Variants in EDARADD observed in about 807,000 individuals in gnomAD.
EDARADD encodes EDAR associated via death domain.
In EDARADD, 20 loss-of-function variants were observed where a neutral mutation model predicts 25.6. That is an observed-to-expected ratio of 0.78 (90% CI 0.55 to 1.14). The LOEUF is 1.14. Among genes scored for constraint, EDARADD ranks in the 50% most tolerant of loss-of-function variants. The pLI, the probability that EDARADD is intolerant of heterozygous loss-of-function variation, is 0.00. For synonymous variants in EDARADD, 86 were observed against 94.4 expected (o/e 0.91, Z 0.52); for missense variants, 225 against 270.1 (o/e 0.83, Z 1.17).
chr1:236,476,193 C>CAAATAAATAAATAAATAAAT (rs148065571), intron 5 of EDARADD, among the ~76,000 whole-genome samples: 1 of 146,044 alleles, frequency 6.8e-6, no homozygotes, highest in Non-Finnish European at 1.5e-5. Flanking sequence ...GACTCCATCT[C>CAAATAAATAAATAAATAAAT]AAATAAATAA....
At chr1:236,442,824 A>T (rs651727) in intron 4 of EDARADD, among the ~76,000 whole-genome samples, 112,161 of 152,104 alleles carry the variant, frequency 0.74, 43,478 homozygotes, top group Non-Finnish European at 0.88. Flanking sequence ...TGTTGTTTTC[A>T]TGCCTGCTAA....
At chr1:236,480,133 A>ATATATCTATCTATC (rs1553271650) in intron 5 of EDARADD, among the ~76,000 whole-genome samples, 23 of 142,110 alleles carry the variant, frequency 1.6e-4, no homozygotes, top group African/African-American at 4.8e-4. Context: ...ATATATATAT[A>ATATATCTATCTATC]TATCACATTT....
intron 3 of EDARADD, among the ~76,000 whole-genome samples, chr1:236,361,956 GTA>G (rs1667056619): frequency 6.6e-6 from 1 of 151,966 alleles, no homozygotes; most frequent in South Asian, 2.1e-4. Context: ...TATGGTAGAC[GTA>G]TGTTTAACAT....
At chr1:236,457,300 G>A (rs2103030148) in intron 4 of EDARADD, among the ~76,000 whole-genome samples, 1 of 152,254 alleles carries the variant, frequency 6.6e-6, no homozygotes, top group Non-Finnish European at 1.5e-5. Context: ...CAGATCACTT[G>A]AGCCCAGGAG....
rs1227603633 is a variant in EDARADD at position 236,405,725 on chromosome 1, TTTTCTTTCTTTCTTTCTTTC to T, written c.62-3443_62-3424del. On this transcript the variant is annotated intron_variant, in intron 1 of 5. Coordinates refer to ENST00000334232, the MANE Select transcript of EDARADD (RefSeq NM_145861.4). The stretch of plus-strand genomic sequence containing the variant: ...CTGCATTTTCCTCTCCTTCCTTTCT[TTTTCTTTCTTTCTTTCTTTC>T]TTTCTTTCTTTCTTTCTTTCTTTCT... Among the ~76,000 whole-genome samples the T allele has an allele frequency of 1.7e-3, 203 of 120,530 alleles. 1 individual carries two copies. Among genetic ancestry groups the T allele is most frequent in the Middle Eastern group, 4.6e-3 (1 of 218 alleles). 79.1% of individuals were successfully genotyped at this position (120,530 alleles called of 152,430 possible). A position where few individuals can be genotyped will look rare whatever the true frequency, so the allele number is the denominator to read the frequency against.
chr1:236,454,138 C>G (rs565248651), intron 4 of EDARADD, among the ~76,000 whole-genome samples: 2 of 152,222 alleles, frequency 1.3e-5, no homozygotes, highest in South Asian at 4.2e-4. Context: ...CTCCATCTCC[C>G]GGGTTCAAGC....
intron 4 of EDARADD, among the ~76,000 whole-genome samples, chr1:236,445,245 T>TTTTTTTTTTTTTTTTTTA (rs1658502774): frequency 2.9e-5 from 4 of 139,622 alleles, no homozygotes; most frequent in African/African-American, 1.0e-4. Flanking sequence ...TTTTTTTTTT[T>TTTTTTTTTTTTTTTTTTA]GAGACAGAGT....
At position 236,385,089 on chromosome 1, in the gene EDARADD, C is replaced by CTTT. The variant is rs34509027; in HGVS notation, c.-5-24112_-5-24110dup. Among the ~76,000 whole-genome samples the CTTT allele has an allele frequency of 8.5e-3, 1,034 of 121,936 alleles. 26 individuals are homozygous for CTTT. Among genetic ancestry groups the CTTT allele is most frequent in the Middle Eastern group, 0.014 (3 of 222 alleles). The allele number at this position is 121,936 out of a possible 152,430, so 80.0% of individuals were successfully genotyped here. A position where few individuals can be genotyped will look rare whatever the true frequency, so the allele number is the denominator to read the frequency against. On this transcript the variant is annotated intron_variant, in intron 3 of 7. Transcript: ENST00000439430. ...GATTTTTATTCTATGCCTTTTGATT[C>CTTT]TTTTTTTTTTTTTTTTTGCCTTAAG...
chr1:236,480,096 C>CATATAT (rs72215388), intron 5 of EDARADD, among the ~76,000 whole-genome samples: 3,785 of 76,666 alleles, frequency 0.049, 257 homozygotes, highest in African/African-American at 0.072. Context: ...TTAAGTATGC[C>CATATAT]ATATATATAT....
rs952211766 is a variant in EDARADD at position 236,398,696 on chromosome 1, A to G, written c.61+4191A>G. ...ACCCCTGCATTCCAGCCCTCACCCC[A>G]TCCTCCACCCACCCGTTTCCTTCTA... On this transcript the variant is annotated intron_variant, in intron 1 of 5. Transcript: ENST00000334232. The surrounding 1 kb of genome is among the most constrained non-coding windows in gnomAD (Gnocchi z 4.1). Among the ~76,000 whole-genome samples, 8 of 151,602 alleles carry G rather than the reference A, an allele frequency of 5.3e-5. No individual in the cohort carries two copies. The highest frequency in any genetic ancestry group is 7.4e-5 in the Non-Finnish European group (5 of 67,904).
chr1:236,448,023 C>T (rs1359434113), intron 4 of EDARADD, among the ~76,000 whole-genome samples: 8 of 152,100 alleles, frequency 5.3e-5, no homozygotes, highest in Admixed American at 5.2e-4. Context: ...TTAGTAGAGA[C>T]GGGGTTTCTC....
At chr1:236,377,854 TAAA>T (rs142570871) in intron 3 of EDARADD, among the ~76,000 whole-genome samples, 1 of 146,776 alleles carries the variant, frequency 6.8e-6, no homozygotes, top group African/African-American at 2.5e-5. Flanking sequence ...GAGACTCCAT[TAAA>T]AAAAAAACAA....
intron 3 of EDARADD, among the ~76,000 whole-genome samples, chr1:236,422,183 C>T (rs529783833): frequency 6.6e-6 from 1 of 152,284 alleles, no homozygotes; most frequent in South Asian, 2.1e-4. Flanking sequence ...CTCAATCGAA[C>T]CTGCTGCCTG....
intron 3 of EDARADD, among the ~76,000 whole-genome samples, chr1:236,371,086 G>A (rs767831371): frequency 1.1e-4 from 17 of 152,144 alleles, no homozygotes; most frequent in Non-Finnish European, 1.6e-4. Context: ...AGCTTCCTTG[G>A]ACTTTAGGGG....
rs146923434 is a variant in EDARADD at position 236,389,223 on chromosome 1, C to T, written c.-5-19993C>T. On this transcript the variant is annotated intron_variant, in intron 3 of 7. Transcript: ENST00000439430. ...CCTGCAAGGTTGTGAGTGAGGATCCCGAGGCTACAGGAGGATATGTAGAAT... is the reference window on the plus strand; with the variant it reads ...CCTGCAAGGTTGTGAGTGAGGATCCTGAGGCTACAGGAGGATATGTAGAAT... Among the ~76,000 whole-genome samples, 28 of 152,228 alleles carry T rather than the reference C, an allele frequency of 1.8e-4. 1 individual carries two copies. Among genetic ancestry groups the T allele is most frequent in the African/African-American group, 6.3e-4 (26 of 41,536 alleles).
chr1:236,363,198 A>G (rs1667075923), intron 3 of EDARADD, among the ~76,000 whole-genome samples: 1 of 148,734 alleles, frequency 6.7e-6, no homozygotes, highest in Non-Finnish European at 1.5e-5. Flanking sequence ...TGACATCTCT[A>G]CTCTCTTTCA....
intron 3 of EDARADD, among the ~76,000 whole-genome samples, chr1:236,422,990 G>A (rs867119513): frequency 1.3e-5 from 2 of 152,180 alleles, no homozygotes; most frequent in African/African-American, 4.8e-5. Context: ...CTAATAATGT[G>A]TAGAACAGGG....
chr1:236,348,291 C>T (rs1487719541), intron 1 of EDARADD: 4 of 152,394 alleles, frequency 2.6e-5, no homozygotes, highest in East Asian at 1.9e-4. Flanking sequence ...TAAGGTAGGG[C>T]CCTACAGACT....
At chr1:236,477,785 T>G (rs571730907) in intron 5 of EDARADD, among the ~76,000 whole-genome samples, 1 of 152,074 alleles carries the variant, frequency 6.6e-6, no homozygotes, top group East Asian at 1.9e-4. Context: ...AAAAGAGATT[T>G]TTAAAACGAA....
Sources: gnomAD v4.1 joint callset for allele counts (sites outside exome capture counted in the v4.1 genomes callset) on GRCh38, gnomAD v4.1.1 for gene constraint, Gnocchi (gnomAD v3.1) non-coding constraint, MANE v1.5 for transcripts, NCBI Gene and HGNC (gene_info 2026-07-23, HGNC 2026-07-21) for gene names.